COL22A1: variants seen among roughly 807,000 people sequenced by gnomAD.
COL22A1 encodes collagen alpha-1(XXII) chain.
COL22A1 carries 221 observed loss-of-function variants against 248.9 expected under a neutral mutation model. The observed-to-expected ratio is 0.89, with a 90% confidence interval of 0.80 to 0.99. COL22A1 has a LOEUF of 0.99. Among genes scored for constraint, COL22A1 ranks in the 50% least tolerant of loss-of-function variants. The pLI, the probability that COL22A1 is intolerant of heterozygous loss-of-function variation, is 0.00. For synonymous variants in COL22A1, 891 were observed against 793.4 expected (o/e 1.12, Z -2.07); for missense variants, 2,240 against 2,179.0 (o/e 1.03, Z -0.56).
chr8:138,740,311 G>A (rs769764606), intron 22 of COL22A1, among the ~76,000 whole-genome samples: 1 of 152,220 alleles, frequency 6.6e-6, no homozygotes, highest in Non-Finnish European at 1.5e-5. Context: ...CTAATGGTTG[G>A]TAAGAAAGGA....
Position 138,589,425 on chromosome 8 carries a change from G to T in COL22A1, c.4709C>A (p.Pro1570His). Residue 1570 changes from proline to histidine, a missense_variant, in exon 65 of 65, where the codon CCT (proline) becomes CAT (histidine). By Grantham distance (77) the Pro-to-His change is moderately conservative. Transcript: ENST00000303045. ...PPGIPGQPGE[P>H]GYAKDGLPGI... Reference sequence around the variant, plus strand: ...AGGAAGTCCATCTTTAGCATAGCCAGGTTCCCCGGGTTGACCTGGCCCAAG... The same window carrying T: ...AGGAAGTCCATCTTTAGCATAGCCATGTTCCCCGGGTTGACCTGGCCCAAG... 2 of 1,561,448 alleles carry T rather than the reference G, an allele frequency of 1.3e-6. No homozygotes were observed. Among genetic ancestry groups the T allele is most frequent in the Non-Finnish European group, 1.7e-6 (2 of 1,155,796 alleles).
rs189591936 is a variant in COL22A1, at chr8:138,646,597, A to T, written c.3501+32T>A. On this transcript the variant is annotated intron_variant, in intron 47 of 64. Transcript: ENST00000303045. ...TTAACCATTGAGATGAGCAGAATAG[A>T]TCCATGCAGATGGTTATGAAGTCTC... is the stretch of plus-strand genomic sequence containing the variant. The T allele has an allele frequency of 5.2e-6, 8 of 1,526,320 alleles. No individual in the cohort carries two copies. The East Asian group carries it at 1.6e-4, about 31-fold the overall frequency. The allele number at this position is 1,526,320 out of a possible 1,614,324, so 94.5% of individuals were successfully genotyped here.
At chr8:138,778,121 T>G in intron 15 of COL22A1, 1 of 590,146 alleles carries the variant, frequency 1.7e-6, no homozygotes, top group Non-Finnish European at 3.1e-6. Flanking sequence ...TGCTTCTTGA[T>G]GTGAGAAAGG....
intron 12 of COL22A1, among the ~76,000 whole-genome samples, chr8:138,795,474 T>A (rs935166867): frequency 6.6e-6 from 1 of 151,864 alleles, no homozygotes; most frequent in Non-Finnish European, 1.5e-5. Flanking sequence ...CAGTGGTTAA[T>A]AATAGGTATT....
At chr8:138,686,003 C>G (rs1310314099) in intron 37 of COL22A1, among the ~76,000 whole-genome samples, 1 of 152,100 alleles carries the variant, frequency 6.6e-6, no homozygotes, top group Non-Finnish European at 1.5e-5. Flanking sequence ...GAGCGGAGAC[C>G]TCACTACCAC....
At chr8:138,607,354 A>G (rs1818501489) in intron 57 of COL22A1, among the ~76,000 whole-genome samples, 6 of 152,010 alleles carry the variant, frequency 3.9e-5, no homozygotes, top group African/African-American at 1.4e-4. Flanking sequence ...TTCTCATCCA[A>G]CCCTAGAACC....
chr8:138,611,361 G>A (rs1175485968), intron 56 of COL22A1, among the ~76,000 whole-genome samples: 1 of 152,188 alleles, frequency 6.6e-6, no homozygotes, highest in Non-Finnish European at 1.5e-5. Flanking sequence ...AACTCACCTA[G>A]TTCATGTGAT....
At chr8:138,785,385 G>T (rs1208148181) in intron 12 of COL22A1, among the ~76,000 whole-genome samples, 1 of 150,336 alleles carries the variant, frequency 6.7e-6, no homozygotes, top group Non-Finnish European at 1.5e-5. Context: ...ACCAGTCCAT[G>T]AGACACATCC....
chr8:138,851,113 T>G (rs985043281), intron 3 of COL22A1, among the ~76,000 whole-genome samples: 13 of 152,146 alleles, frequency 8.5e-5, no homozygotes, highest in African/African-American at 3.1e-4. Flanking sequence ...GTGTGCAGGC[T>G]GTGCCATGGA....
intron 10 of COL22A1, 44 bp downstream of exon 10, chr8:138,807,724 A>G (rs1472725807): frequency 1.9e-6 from 3 of 1,587,294 alleles, no homozygotes; most frequent in Non-Finnish European, 2.6e-6. Flanking sequence ...AAAGGAGAGG[A>G]CAAGTGAGGT....
At chr8:138,676,865 C>T (rs1034797343) in intron 40 of COL22A1, among the ~76,000 whole-genome samples, 5 of 152,180 alleles carry the variant, frequency 3.3e-5, no homozygotes, top group African/African-American at 7.2e-5. Context: ...CGACCACTCC[C>T]GGACCAACCT....
At chr8:138,722,539 A>G (rs963483950) in intron 25 of COL22A1, among the ~76,000 whole-genome samples, 1 of 151,970 alleles carries the variant, frequency 6.6e-6, no homozygotes, top group Admixed American at 6.6e-5. Flanking sequence ...CAAAACCTCA[A>G]TCTCTCAGCA....
At chr8:138,767,805 C>G (rs1329815507) in intron 16 of COL22A1, among the ~76,000 whole-genome samples, 1 of 152,116 alleles carries the variant, frequency 6.6e-6, no homozygotes, top group African/African-American at 2.4e-5. Flanking sequence ...CGCCCCCACT[C>G]CACTGAAAGC....
intron 45 of COL22A1, among the ~76,000 whole-genome samples, chr8:138,651,135 T>C (rs760480534): frequency 6.6e-6 from 1 of 152,200 alleles, no homozygotes; most frequent in African/African-American, 2.4e-5. Context: ...ACTCAGTCTT[T>C]GGAGATTCTT....
In COL22A1 at chr8:138,828,917, G is replaced by A. The variant is rs368887261; in HGVS notation, c.846-2136C>T. Among the ~76,000 whole-genome samples, 5 of 152,212 alleles carry A rather than the reference G, an allele frequency of 3.3e-5. No homozygotes were observed. In the East Asian group the frequency reaches 7.8e-4, roughly 24 times the overall value. On this transcript the variant is annotated intron_variant, in intron 5 of 64. Transcript: ENST00000303045. ...CTGCACCTTAACTGCAGAGCCAGCC[G>A]TGGGGGAGCCCAATCCTGCCCTGGG...
chr8:138,679,013 T>A (rs1475031257), intron 40 of COL22A1, among the ~76,000 whole-genome samples: 1 of 152,158 alleles, frequency 6.6e-6, no homozygotes, highest in Admixed American at 6.5e-5. Context: ...CCTCTCAAGT[T>A]CAAGCAATCC....
At chr8:138,762,350 C>G in intron 17 of COL22A1, 63 bp downstream of exon 17, 23 of 1,510,988 alleles carry the variant, frequency 1.5e-5, no homozygotes, top group Non-Finnish European at 2.1e-5. Flanking sequence ...TATGTGGGGT[C>G]TGGTCATTCC....
rs1818425962 is a variant in COL22A1 at position 138,606,391 on chromosome 8, CG to C, written c.4093del (p.Arg1365ValfsTer63). 1.2e-6 allele frequency: 2 copies of C among 1,612,760 alleles called. No homozygotes were observed. Among genetic ancestry groups the C allele is most frequent in the African/African-American group, 1.3e-5 (1 of 74,914 alleles). On this transcript the variant is annotated frameshift_variant, in exon 58 of 65. Coordinates refer to ENST00000303045, the MANE Select transcript of COL22A1 (RefSeq NM_152888.3). LOFTEE classifies it high-confidence loss of function. ...SPGLPGFLGP[R>X]GPPGEPGEKG... is the part of the protein sequence containing the mutation. ...GGGTTCTCTGCTTACCGGAGGCCCA[CG>C]GGGACCCAGGAAGCCAGGAAGTCCT...
intron 3 of COL22A1, among the ~76,000 whole-genome samples, chr8:138,848,143 A>C (rs181176926): frequency 6.6e-6 from 1 of 152,308 alleles, no homozygotes; most frequent in African/African-American, 2.4e-5. Flanking sequence ...ATGTGGATTG[A>C]ATTTGTTCTT....
Sources: allele counts gnomAD v4.1 joint callset (sites outside exome capture counted in the v4.1 genomes callset), GRCh38; gene constraint gnomAD v4.1.1; transcripts MANE v1.5; gene names NCBI Gene and HGNC (gene_info 2026-07-23, HGNC 2026-07-21).